STX7: variants seen among roughly 807,000 people sequenced by gnomAD.
STX7 encodes syntaxin-7.
STX7 carries 34 observed loss-of-function variants against 39.6 expected under a neutral mutation model. That is an observed-to-expected ratio of 0.86 (90% confidence interval 0.65 to 1.14). STX7 has a LOEUF of 1.14. Among genes scored for constraint, STX7 ranks in the 50% most tolerant of loss-of-function variants. The pLI is 0.00. For synonymous variants in STX7, 119 were observed against 99.1 expected (o/e 1.20, Z -1.19); for missense variants, 284 against 310.4 (o/e 0.92, Z 0.64).
intron 2 of STX7, among the ~76,000 whole-genome samples, chr6:132,487,676 C>A (rs961517656): frequency 2.0e-4 from 31 of 151,966 alleles, no homozygotes; most frequent in African/African-American, 7.3e-4. Context: ...AAGGAAAAAA[C>A]CTTTAAATAT....
At chr6:132,502,549 C>T (rs934734899) in intron 2 of STX7, among the ~76,000 whole-genome samples, 3 of 152,104 alleles carry the variant, frequency 2.0e-5, no homozygotes, top group Non-Finnish European at 4.4e-5. Context: ...TGAATACTTC[C>T]GAATGAAGTG....
Position 132,453,335 on chromosome 6 carries a change from A to G in STX7, c.*7423T>C, listed in dbSNP as rs1266507299. The G allele has an allele frequency of 1.3e-5, 2 of 152,130 alleles. No individual in the cohort carries two copies. Among genetic ancestry groups the G allele is most frequent in the African/African-American group, 2.4e-5 (1 of 41,442 alleles). The allele number at this position is 152,130 out of a possible 1,614,324, so 9.4% of individuals were successfully genotyped here. A position where few individuals can be genotyped will look rare whatever the true frequency, so the allele number is the denominator to read the frequency against. ...ATAAAAGAGAAAATTTGGGGGATCT[A>G]AGGAGAGAGGCAAAGTTCTTGATAC... On this transcript the variant is annotated 3_prime_UTR_variant, in exon 10 of 10. Transcript: ENST00000367941.
chr6:132,511,073 G>A (rs1241294786), intron 1 of STX7, among the ~76,000 whole-genome samples: 1 of 152,144 alleles, frequency 6.6e-6, no homozygotes, highest in African/African-American at 2.4e-5. Context: ...GAGGGGTGGG[G>A]GGTGAGCATT....
At chr6:132,489,520 A>C (rs569772897) in intron 2 of STX7, among the ~76,000 whole-genome samples, 2 of 152,214 alleles carry the variant, frequency 1.3e-5, no homozygotes, top group Non-Finnish European at 2.9e-5. Flanking sequence ...TAGCACTAGT[A>C]TATCTCATGC....
intron 1 of STX7, among the ~76,000 whole-genome samples, chr6:132,511,597 T>C (rs192110943): frequency 6.6e-6 from 1 of 152,370 alleles, no homozygotes; most frequent in East Asian, 1.9e-4. Context: ...GCCTGGTGCA[T>C]AGTAAATGCT....
intron 1 of STX7, among the ~76,000 whole-genome samples, chr6:132,510,919 G>A (rs754141121): frequency 2.6e-5 from 4 of 152,210 alleles, no homozygotes; most frequent in Non-Finnish European, 5.9e-5. Context: ...ATATACTGTA[G>A]AATCCTTAAG....
In STX7 at chr6:132,452,064, G is replaced by A. The variant is rs1774146535; in HGVS notation, c.*8694C>T. The A allele has an allele frequency of 1.3e-5, 2 of 152,086 alleles. No homozygotes were observed. Among genetic ancestry groups the A allele is most frequent in the African/African-American group, 2.4e-5 (1 of 41,408 alleles). 9.4% of individuals were successfully genotyped at this position (152,086 alleles called of 1,614,324 possible). On this transcript the variant is annotated 3_prime_UTR_variant, in exon 10 of 10. Coordinates refer to ENST00000367941, the MANE Select transcript of STX7 (RefSeq NM_003569.3). ...ACGACCAAGTGGAGTTTATCTCAGG[G>A]ATGTAACAATGGCTCAACATTCAAA...
In STX7 at chr6:132,453,899, T is replaced by C. The variant is rs1774190824; in HGVS notation, c.*6859A>G. 6.6e-6 allele frequency: 1 copy of C among 152,116 alleles called. No homozygotes were observed. Among genetic ancestry groups the C allele is most frequent in the Non-Finnish European group, 1.5e-5 (1 of 68,006 alleles). The allele number at this position is 152,116 out of a possible 1,614,324, so 9.4% of individuals were successfully genotyped here. ...TCTTAAAAACTAAACATTCAACTAC[T>C]ATATGACCCAACTACTATATAACTG... is the stretch of plus-strand genomic sequence containing the variant. On this transcript the variant is annotated 3_prime_UTR_variant, in exon 10 of 10. Coordinates refer to ENST00000367941, the MANE Select transcript of STX7 (RefSeq NM_003569.3).
Position 132,446,702 on chromosome 6 carries a change from G to T in STX7, c.*14056C>A, listed in dbSNP as rs973134164. ...ATTAAAATGTTTTTTATGAACATGA[G>T]CATCTGGCTGCACATACAGAGCAGC... On this transcript the variant is annotated 3_prime_UTR_variant, in exon 10 of 10. Coordinates refer to ENST00000367941, the MANE Select transcript of STX7 (RefSeq NM_003569.3). The T allele has an allele frequency of 1.3e-5, 2 of 152,138 alleles. No individual in the cohort carries two copies. Among genetic ancestry groups the T allele is most frequent in the Admixed American group, 6.5e-5 (1 of 15,272 alleles). 9.4% of individuals were successfully genotyped at this position (152,138 alleles called of 1,614,324 possible).
At position 132,450,681 on chromosome 6, in the gene STX7, C is replaced by T. The variant is rs1329364095; in HGVS notation, c.*10077G>A. 6.6e-6 allele frequency: 1 copy of T among 151,968 alleles called. No homozygotes were observed. The highest frequency in any genetic ancestry group is 6.6e-5 in the Admixed American group (1 of 15,256). The allele number at this position is 151,968 out of a possible 1,614,324, so 9.4% of individuals were successfully genotyped here. On this transcript the variant is annotated 3_prime_UTR_variant, in exon 10 of 10. Transcript: ENST00000367941. ...CTCAATAGCAGAATGGAAGCTACTG[C>T]AGAAAGAATGAATAAATCTGAAGAT...
intron 1 of STX7, among the ~76,000 whole-genome samples, chr6:132,507,029 T>C (rs1448178466): frequency 7.9e-5 from 12 of 152,184 alleles, no homozygotes; most frequent in African/African-American, 2.4e-4. Flanking sequence ...TGGAGGCCAT[T>C]ATCTTAAGTG....
At chr6:132,511,381 G>A (rs1775844007) in intron 1 of STX7, among the ~76,000 whole-genome samples, 2 of 152,160 alleles carry the variant, frequency 1.3e-5, no homozygotes, top group South Asian at 4.1e-4. Flanking sequence ...TCACATGCTA[G>A]AGAAACCTTT....
At chr6:132,481,407 C>T (rs892031596) in intron 2 of STX7, among the ~76,000 whole-genome samples, 1 of 152,088 alleles carries the variant, frequency 6.6e-6, no homozygotes, top group African/African-American at 2.4e-5. Flanking sequence ...CATTATCATA[C>T]AGGTGATTAA....
chr6:132,478,403 T>A (rs1040009225), intron 2 of STX7, among the ~76,000 whole-genome samples: 1 of 152,156 alleles, frequency 6.6e-6, no homozygotes, highest in African/African-American at 2.4e-5. Context: ...TGTGGTAATT[T>A]CCGGTTTCTG....
intron 2 of STX7, 151 bp from the exon 3 acceptor site, chr6:132,475,813 C>T (rs1440390020): frequency 4.1e-6 from 2 of 486,526 alleles, no homozygotes; most frequent in Non-Finnish European, 7.1e-6. Context: ...AAAAGAATAA[C>T]TAAATGGTTT....
At position 132,468,402 on chromosome 6, in the gene STX7, C is replaced by T. The variant is rs1175097335; in HGVS notation, c.610+1G>A. The T allele has an allele frequency of 6.2e-7, 1 of 1,607,824 alleles. No individual in the cohort carries two copies. Among genetic ancestry groups the T allele is most frequent in the Admixed American group, 1.7e-5 (1 of 58,952 alleles). On this transcript the variant is annotated splice_donor_variant, in intron 8 of 9. Transcript: ENST00000367941. LOFTEE classifies it high-confidence loss of function. ...CCAAAATCTAAGTCAGCAGGTCTTA[C>T]CTATTACATCTCCTTGTTCATGAAT...
chr6:132,509,454 T>G (rs1775785532), intron 1 of STX7, among the ~76,000 whole-genome samples: 1 of 3,288 alleles, frequency 3.0e-4, no homozygotes, highest in African/African-American at 6.3e-4. Context: ...CGTCTCAAAA[T>G]AACATAACAT....
At chr6:132,493,179 T>C (rs1462028666) in intron 2 of STX7, among the ~76,000 whole-genome samples, 3 of 152,240 alleles carry the variant, frequency 2.0e-5, no homozygotes, top group East Asian at 1.9e-4. Context: ...AATGATACTA[T>C]AATGAGAAAG....
chr6:132,453,159 G>C lies in STX7; in HGVS notation c.*7599C>G, dbSNP rs1018361304. The C allele has an allele frequency of 1.3e-5, 2 of 151,892 alleles. No homozygotes were observed. Among genetic ancestry groups the C allele is most frequent in the Non-Finnish European group, 2.9e-5 (2 of 67,940 alleles). The allele number at this position is 151,892 out of a possible 1,614,324, so 9.4% of individuals were successfully genotyped here. On this transcript the variant is annotated 3_prime_UTR_variant, in exon 10 of 10. Coordinates refer to ENST00000367941, the MANE Select transcript of STX7 (RefSeq NM_003569.3). ...TCAATGGACAAAAAAGAGCCTTTTCGACAAATATCATGTTGGAGTAATTGA... is the reference window on the plus strand; with the variant it reads ...TCAATGGACAAAAAAGAGCCTTTTCCACAAATATCATGTTGGAGTAATTGA...
Sources: allele counts gnomAD v4.1 joint callset (sites outside exome capture counted in the v4.1 genomes callset), GRCh38; gene constraint gnomAD v4.1.1; transcripts MANE v1.5; gene names NCBI Gene and HGNC (gene_info 2026-07-23, HGNC 2026-07-21).